RRP15: variants seen among roughly 807,000 people sequenced by gnomAD.
RRP15 encodes RRP15-like protein.
In RRP15, 18 loss-of-function variants were observed where a neutral mutation model predicts 27.1. The ratio of observed to expected loss-of-function variants is 0.66; its 90% CI spans 0.46 to 0.98. The LOEUF is 0.98. Ranked by LOEUF, RRP15 falls within the 50% of genes least tolerant of loss-of-function variation. The pLI is 0.00. For synonymous variants in RRP15, 107 were observed against 109.4 expected (o/e 0.98, Z 0.14); for missense variants, 359 against 337.8 (o/e 1.06, Z -0.49).
chr1:218,306,575 G>C lies in RRP15; in HGVS notation c.504-856G>C, dbSNP rs1655902263. 2.6e-5 allele frequency among the ~76,000 whole-genome samples: 4 copies of C among 152,262 alleles called. No individual in the cohort carries two copies. In the South Asian group the frequency reaches 8.3e-4, roughly 32 times the overall value. On this transcript the variant is annotated intron_variant, in intron 3 of 4. Transcript: ENST00000366932. ...CAATAATTATTGGAAGAGGCAGATT[G>C]CCTCTTATTAGAGCAAGAAAATTCA... is the stretch of plus-strand genomic sequence containing the variant.
intron 1 of RRP15, among the ~76,000 whole-genome samples, chr1:218,288,208 G>A (rs1310926942): frequency 6.6e-6 from 1 of 152,218 alleles, no homozygotes; most frequent in Non-Finnish European, 1.5e-5. Flanking sequence ...AGGACAGTTT[G>A]TAGGCAATTG....
chr1:218,303,609 G>C (rs1655848341), intron 2 of RRP15, among the ~76,000 whole-genome samples: 1 of 152,142 alleles, frequency 6.6e-6, no homozygotes, highest in Non-Finnish European at 1.5e-5. Context: ...AAAAATATCA[G>C]AATCTTTGAT....
chr1:218,297,202 A>G (rs1655731397), intron 1 of RRP15, among the ~76,000 whole-genome samples: 1 of 152,188 alleles, frequency 6.6e-6, no homozygotes. Context: ...TAACACCCCA[A>G]GTCTAATTCA....
In RRP15 at chr1:218,336,685, A is replaced by G. The variant is rs1656453650; in HGVS notation, c.*5594A>G. ...CAGTTGCCCTGAAATACTGAGAAGT[A>G]CCAAGCATAACATCAAGACTGTTTC... On this transcript the variant is annotated 3_prime_UTR_variant, in exon 5 of 5. Transcript: ENST00000366932. 6.6e-6 allele frequency: 1 copy of G among 152,442 alleles called. No individual in the cohort carries two copies. Among genetic ancestry groups the G allele is most frequent in the Admixed American group, 6.5e-5 (1 of 15,290 alleles). The allele number at this position is 152,442 out of a possible 1,614,324, so 9.4% of individuals were successfully genotyped here. A position where few individuals can be genotyped will look rare whatever the true frequency, so the allele number is the denominator to read the frequency against.
intron 4 of RRP15, among the ~76,000 whole-genome samples, chr1:218,321,528 C>A (rs1053203665): frequency 2.6e-5 from 4 of 152,156 alleles, no homozygotes; most frequent in Admixed American, 1.3e-4. Flanking sequence ...GTATGGTTAA[C>A]TTTATCTTAT....
intron 4 of RRP15, among the ~76,000 whole-genome samples, chr1:218,327,748 C>G (rs1279867441): frequency 2.0e-5 from 3 of 152,066 alleles, no homozygotes; most frequent in Non-Finnish European, 2.9e-5. Context: ...AAAAATGCTA[C>G]TGTAATGATT....
chr1:218,288,004 A>G (rs1326290757), intron 1 of RRP15, among the ~76,000 whole-genome samples: 1 of 152,214 alleles, frequency 6.6e-6, no homozygotes, highest in Non-Finnish European at 1.5e-5. Flanking sequence ...TTTCAGACAA[A>G]GTAATCTTCT....
chr1:218,310,974 C>A (rs1655986202), intron 4 of RRP15, among the ~76,000 whole-genome samples: 1 of 152,104 alleles, frequency 6.6e-6, no homozygotes, highest in Non-Finnish European at 1.5e-5. Context: ...GTCACGAACT[C>A]CTGACCTCAG....
intron 4 of RRP15, among the ~76,000 whole-genome samples, chr1:218,319,129 G>A (rs778523679): frequency 2.0e-5 from 3 of 150,792 alleles, no homozygotes; most frequent in Non-Finnish European, 3.0e-5. Flanking sequence ...GTGCAATCTC[G>A]GCTCGGCTCA....
intron 4 of RRP15, among the ~76,000 whole-genome samples, chr1:218,317,815 A>G (rs1226424107): frequency 1.3e-5 from 2 of 148,802 alleles, no homozygotes; most frequent in Non-Finnish European, 3.0e-5. Context: ...AGCTCACTGC[A>G]GCCTCAACCT....
rs1021017709 is a variant in RRP15, at chr1:218,285,732, C to T, written c.139+277C>T. ...AAATGGGTGAAACACCTGCAGCTAC[C>T]GAGAAACTTACAGTAGCAAAGGGTG... On this transcript the variant is annotated intron_variant, in intron 1 of 4. Coordinates refer to ENST00000366932, the MANE Select transcript of RRP15 (RefSeq NM_016052.4). Among the ~76,000 whole-genome samples, 6 of 151,690 alleles carry T rather than the reference C, an allele frequency of 4.0e-5. No individual in the cohort carries two copies. In the East Asian group the frequency reaches 1.2e-3, roughly 29 times the overall value.
At chr1:218,326,209 G>A (rs778240711) in intron 4 of RRP15, among the ~76,000 whole-genome samples, 82 of 152,158 alleles carry the variant, frequency 5.4e-4, no homozygotes, top group Admixed American at 1.9e-3. Context: ...GGGAGGCTGA[G>A]GCAGGATAAT....
intron 4 of RRP15, among the ~76,000 whole-genome samples, chr1:218,314,874 C>T (rs1375268360): frequency 1.3e-5 from 2 of 151,636 alleles, no homozygotes; most frequent in Non-Finnish European, 2.9e-5. Flanking sequence ...GGCCTGTAAT[C>T]CCAGCTACTT....
rs1571811892 is a variant in RRP15, at chr1:218,331,357, G to T, written c.*266G>T. On this transcript the variant is annotated 3_prime_UTR_variant, in exon 5 of 5. Transcript: ENST00000366932. ...ACCAGCGAGATGTGCATTTTGCCAG[G>T]ATCATATTGGTCATGTCTATTGGTG... 1 of 267,994 alleles carries T rather than the reference G, an allele frequency of 3.7e-6. No homozygotes were observed. Among genetic ancestry groups the T allele is most frequent in the East Asian group, 7.4e-5 (1 of 13,494 alleles). The allele number at this position is 267,994 out of a possible 1,614,324, so 16.6% of individuals were successfully genotyped here.
At chr1:218,305,453 A>G (rs1315550759) in intron 3 of RRP15, among the ~76,000 whole-genome samples, 1 of 152,188 alleles carries the variant, frequency 6.6e-6, no homozygotes, top group Non-Finnish European at 1.5e-5. Context: ...TTTATCTTGC[A>G]TTATATTTAT....
Position 218,331,200 on chromosome 1 carries a change from CTT to C in RRP15, c.*112_*113del, listed in dbSNP as rs1325111657. The C allele has an allele frequency of 1.3e-5, 13 of 1,028,858 alleles. No homozygotes were observed. The East Asian group carries it at 2.9e-4, about 23-fold the overall frequency. The allele number at this position is 1,028,858 out of a possible 1,614,324, so 63.7% of individuals were successfully genotyped here. On this transcript the variant is annotated 3_prime_UTR_variant, in exon 5 of 5. Coordinates refer to ENST00000366932, the MANE Select transcript of RRP15 (RefSeq NM_016052.4). The stretch of plus-strand genomic sequence containing the variant: ...TACCATTTGTAAGAAAGCCAAAAGA[CTT>C]TTGCCAGATTTCATATTTCCCCTTT...
At chr1:218,304,203 A>T (rs1299897465) in intron 2 of RRP15, among the ~76,000 whole-genome samples, 3 of 152,190 alleles carry the variant, frequency 2.0e-5, no homozygotes, top group African/African-American at 7.2e-5. Flanking sequence ...ATAAAAAAAG[A>T]AATTTTAATA....
intron 1 of RRP15, among the ~76,000 whole-genome samples, chr1:218,286,508 C>A (rs1486574332): frequency 1.3e-4 from 20 of 152,192 alleles, no homozygotes; most frequent in Non-Finnish European, 1.5e-5. Context: ...AACGTACCAC[C>A]ACTACTCTTC....
intron 1 of RRP15, 43 bp from the exon 2 acceptor site, chr1:218,302,251 A>T: frequency 3.9e-6 from 6 of 1,522,584 alleles, no homozygotes; most frequent in Non-Finnish European, 3.6e-6. Context: ...GCCTCTGCCT[A>T]GGATATTAAA....
Sources: gnomAD v4.1 joint callset for allele counts (sites outside exome capture counted in the v4.1 genomes callset) on GRCh38, gnomAD v4.1.1 for gene constraint, MANE v1.5 for transcripts, NCBI Gene and HGNC (gene_info 2026-07-23, HGNC 2026-07-21) for gene names.